The following MYO6 variants were observed in gnomAD, a reference collection of about 807,000 sequenced individuals.
MYO6 encodes the protein unconventional myosin-VI.
Under a neutral mutation model 178.7 loss-of-function variants are expected in MYO6, and 74 were observed. The observed-to-expected ratio is 0.41, with a 90% CI of 0.34 to 0.50. MYO6 has a LOEUF of 0.50. Among genes scored for constraint, MYO6 ranks in the 20% least tolerant of loss-of-function variants. The pLI is 0.09. For missense variants in MYO6, 1,330 were observed against 1,547.4 expected, an observed-to-expected ratio of 0.86 and a Z score of 2.36; for synonymous variants, 477 against 504.6, an observed-to-expected ratio of 0.95 and a Z score of 0.73.
At chr6:75,840,764 T>G in intron 8 of MYO6, 82 bp downstream of exon 8, 1 of 1,000,564 alleles carries the variant, frequency 1.0e-6, no homozygotes, top group Non-Finnish European at 1.6e-6. Context: ...GTATTTGCAC[T>G]TAATGGTAAA....
At chr6:75,775,676 G>C (rs1329673911) in intron 1 of MYO6, among the ~76,000 whole-genome samples, 2 of 152,130 alleles carry the variant, frequency 1.3e-5, no homozygotes, top group Non-Finnish European at 2.9e-5. Context: ...GCTGCTCAGG[G>C]CTTCAGCTTT....
intron 1 of MYO6, among the ~76,000 whole-genome samples, chr6:75,769,092 C>T (rs1392108609): frequency 6.6e-6 from 1 of 152,136 alleles, no homozygotes; most frequent in African/African-American, 2.4e-5. Flanking sequence ...GGGGTGGCAC[C>T]AAGCCATTCA....
intron 28 of MYO6, chr6:75,894,722 G>T: frequency 1.3e-6 from 1 of 765,680 alleles, no homozygotes; most frequent in South Asian, 3.1e-5. Flanking sequence ...TTAATCTATA[G>T]CATGATGTTG....
At chr6:75,891,714 A>C (rs754741904) in intron 27 of MYO6, among the ~76,000 whole-genome samples, 2 of 152,226 alleles carry the variant, frequency 1.3e-5, no homozygotes, top group Non-Finnish European at 2.9e-5. Context: ...TTGCTAGATA[A>C]GCTGTCACTA....
chr6:75,896,903 A>C lies in MYO6; in HGVS notation c.3138-1470A>C, dbSNP rs371362929. 3.3e-4 allele frequency among the ~76,000 whole-genome samples: 50 copies of C among 152,360 alleles called. 1 individual carries two copies. Among genetic ancestry groups the C allele is most frequent in the Admixed American group, 1.6e-3 (25 of 15,304 alleles). The stretch of plus-strand genomic sequence containing the variant: ...GTGTCTAAGGTGAAATTATATTTGC[A>C]TATAGTTTGGTAAAATCAGAAGGAA... On this transcript the variant is annotated intron_variant, in intron 29 of 34. Coordinates refer to ENST00000369977, the MANE Select transcript of MYO6 (RefSeq NM_004999.4).
At chr6:75,892,767 A>C in intron 28 of MYO6, 77 bp downstream of exon 28, 1 of 1,497,772 alleles carries the variant, frequency 6.7e-7, no homozygotes, top group Non-Finnish European at 9.2e-7. Flanking sequence ...TTCCATGCAG[A>C]AGGGAATAGG....
At chr6:75,777,100 T>A (rs1046681626) in intron 1 of MYO6, among the ~76,000 whole-genome samples, 6 of 152,230 alleles carry the variant, frequency 3.9e-5, no homozygotes, top group Non-Finnish European at 7.3e-5. Flanking sequence ...TCAGAGGATT[T>A]ACCAGTTTAT....
chr6:75,786,072 C>T (rs866427279), intron 1 of MYO6, among the ~76,000 whole-genome samples: 15 of 151,942 alleles, frequency 9.9e-5, no homozygotes, highest in African/African-American at 2.2e-4. Context: ...CCTGCCACCA[C>T]GCCCAGCTAA....
intron 2 of MYO6, among the ~76,000 whole-genome samples, chr6:75,820,267 G>A (rs1771736658): frequency 6.6e-6 from 1 of 152,060 alleles, no homozygotes; most frequent in African/African-American, 2.4e-5. Context: ...CTTCTCTTCT[G>A]CAAGTATTAA....
At position 75,885,936 on chromosome 6, in the gene MYO6, GT is replaced by G. The variant is rs958186535; in HGVS notation, c.2417-61del. 1.4e-4 allele frequency: 131 copies of G among 953,866 alleles called. 1 individual carries two copies. Among genetic ancestry groups the G allele is most frequent in the Middle Eastern group, 9.6e-4 (3 of 3,136 alleles). The allele number at this position is 953,866 out of a possible 1,614,324, so 59.1% of individuals were successfully genotyped here. On this transcript the variant is annotated intron_variant, in intron 23 of 34. Transcript: ENST00000369977. Reference sequence around the variant, plus strand: ...CTTGAGCATTACTTTGTGAAAATGAGTTTTTTTAATATATGTTAGATTTAAA... The same window carrying G: ...CTTGAGCATTACTTTGTGAAAATGAGTTTTTTAATATATGTTAGATTTAAA...
At chr6:75,891,444 A>C in intron 27 of MYO6, 138 bp downstream of exon 27, 1 of 540,398 alleles carries the variant, frequency 1.9e-6, no homozygotes, top group Non-Finnish European at 3.5e-6. Context: ...CATCCTGGCT[A>C]ACATGGTGAA....
intron 15 of MYO6, 74 bp downstream of exon 15, chr6:75,861,169 T>C: frequency 8.6e-7 from 1 of 1,162,592 alleles, no homozygotes; most frequent in African/African-American, 1.5e-5. Context: ...TTTTCTGTGC[T>C]TTTTAATTGA....
intron 19 of MYO6, among the ~76,000 whole-genome samples, chr6:75,871,326 T>G (rs1358490454): frequency 1.3e-5 from 2 of 152,240 alleles, no homozygotes; most frequent in Non-Finnish European, 2.9e-5. Context: ...CACAACTCGC[T>G]GCAACCTCCG....
At chr6:75,800,345 A>G (rs1769324954) in intron 1 of MYO6, among the ~76,000 whole-genome samples, 1 of 152,194 alleles carries the variant, frequency 6.6e-6, no homozygotes, top group South Asian at 2.1e-4. Context: ...CGAGAAGTAC[A>G]GAGGCTTCCA....
intron 1 of MYO6, among the ~76,000 whole-genome samples, chr6:75,796,563 G>A (rs1562170873): frequency 6.6e-6 from 1 of 151,206 alleles, no homozygotes; most frequent in Non-Finnish European, 1.5e-5. Flanking sequence ...CCAATAGGTA[G>A]TTTTTTAGCC....
rs1774686063 is a variant in MYO6, at chr6:75,845,886, C to T, written c.897+909C>T. On this transcript the variant is annotated intron_variant, in intron 10 of 34. Transcript: ENST00000369977. ...CCTGTAATCCCAGCTACTTGGGAGGCTGAGGCAGGAGAATCGCTTGAACCC... is the reference window on the plus strand; with the variant it reads ...CCTGTAATCCCAGCTACTTGGGAGGTTGAGGCAGGAGAATCGCTTGAACCC... Among the ~76,000 whole-genome samples the T allele has an allele frequency of 2.0e-5, 3 of 151,662 alleles. No individual in the cohort carries two copies. In the South Asian group the frequency reaches 6.2e-4, roughly 32 times the overall value.
chr6:75,880,712 G>T (rs956030876), intron 22 of MYO6, among the ~76,000 whole-genome samples: 1 of 151,906 alleles, frequency 6.6e-6, no homozygotes, highest in Non-Finnish European at 1.5e-5. Flanking sequence ...TTAAGACAAA[G>T]ATTTAAATAT....
At chr6:75,900,684 G>A (rs1779693994) in intron 30 of MYO6, among the ~76,000 whole-genome samples, 1 of 152,160 alleles carries the variant, frequency 6.6e-6, no homozygotes, top group African/African-American at 2.4e-5. Flanking sequence ...TTTGTGGGTT[G>A]CCTGTTCACT....
chr6:75,852,990 C>G (rs1275382207), intron 11 of MYO6, among the ~76,000 whole-genome samples: 1 of 152,156 alleles, frequency 6.6e-6, no homozygotes, highest in Non-Finnish European at 1.5e-5. Context: ...TTCAGTTTCT[C>G]CATATCCTCA....
Sources: gnomAD v4.1 joint callset for allele counts (sites outside exome capture counted in the v4.1 genomes callset) on GRCh38, gnomAD v4.1.1 for gene constraint, MANE v1.5 for transcripts, NCBI Gene and HGNC (gene_info 2026-07-23, HGNC 2026-07-21) for gene names.